CAST: variants seen among roughly 807,000 people sequenced by gnomAD.
CAST encodes calpastatin.
Under a neutral mutation model 119.6 loss-of-function variants are expected in CAST, and 76 were observed. The observed-to-expected ratio is 0.64, with a 90% CI of 0.53 to 0.77. The LOEUF is 0.77. Among genes scored for constraint, CAST ranks in the 30% least tolerant of loss-of-function variants. The pLI is 0.00. For missense variants in CAST, 953 were observed against 946.5 expected, an observed-to-expected ratio of 1.01 and a Z score of -0.09; for synonymous variants, 319 against 331.6, an observed-to-expected ratio of 0.96 and a Z score of 0.41.
chr5:96,364,444 G>T, the CAST span, among the ~76,000 whole-genome samples: 3 of 152,134 alleles, frequency 2.0e-5, no homozygotes, highest in South Asian at 2.1e-4. Context: ...CTGTGAATCC[G>T]TCTGGTCCTG....
the CAST span, among the ~76,000 whole-genome samples, chr5:96,268,602 A>G: frequency 6.6e-6 from 1 of 152,210 alleles, no homozygotes. Flanking sequence ...TCTTTAAAAA[A>G]TAAAAATAAA....
chr5:96,068,259 A>C, the CAST span, among the ~76,000 whole-genome samples: 1 of 152,014 alleles, frequency 6.6e-6, no homozygotes, highest in South Asian at 2.1e-4. Flanking sequence ...TCTCTTAGAG[A>C]TCTAGCCAAA....
chr5:96,028,397 G>A, the CAST span, among the ~76,000 whole-genome samples: 2 of 151,800 alleles, frequency 1.3e-5, no homozygotes, highest in South Asian at 2.1e-4. Flanking sequence ...AAGATCATAG[G>A]AGGTAAAAAA....
intron 1 of CAST, among the ~76,000 whole-genome samples, chr5:96,604,498 T>C (rs973177522): frequency 6.6e-6 from 1 of 152,150 alleles, no homozygotes; most frequent in Non-Finnish European, 1.5e-5. Flanking sequence ...ACCAGAAATA[T>C]GTAGAAAGAG....
the CAST span, among the ~76,000 whole-genome samples, chr5:96,119,796 G>A: frequency 5.3e-5 from 8 of 152,104 alleles, no homozygotes; most frequent in East Asian, 1.9e-4. Context: ...TATTATGTAC[G>A]CCTAAAAAGC....
upstream of CAST, among the ~76,000 whole-genome samples, chr5:96,657,213 C>G (rs1282163537): frequency 6.6e-6 from 1 of 152,206 alleles, no homozygotes; most frequent in Non-Finnish European, 1.5e-5. Flanking sequence ...TGCCTTAAAT[C>G]TAACCAAAGA....
the CAST span, among the ~76,000 whole-genome samples, chr5:96,144,188 TATTTGAAAGTTATC>T: frequency 6.6e-6 from 1 of 152,224 alleles, no homozygotes; most frequent in African/African-American, 2.4e-5. Flanking sequence ...GAAACATTAA[TATTTGAAAGTTATC>T]ATTAAGAATT....
the CAST span, among the ~76,000 whole-genome samples, chr5:96,404,399 C>T: frequency 2.0e-5 from 3 of 152,178 alleles, no homozygotes; most frequent in East Asian, 5.8e-4. Flanking sequence ...ATAAACTCCC[C>T]AGGTGATGAC....
Position 96,575,790 on chromosome 5 carries a change from G to A in CAST, c.60+45910G>A, listed in dbSNP as rs556283391. Among the ~76,000 whole-genome samples, 14 of 152,000 alleles carry A rather than the reference G, an allele frequency of 9.2e-5. No homozygotes were observed. The South Asian group carries it at 1.9e-3, about 20-fold the overall frequency. On this transcript the variant is annotated intron_variant, in intron 1 of 11. Coordinates refer to the CAST transcript ENST00000505143. ...CTTGAGTACTTGGGGCTACAGGCACGTGCCTCGATGCCCAGCTAATTTTTT... is the reference window on the plus strand; with the variant it reads ...CTTGAGTACTTGGGGCTACAGGCACATGCCTCGATGCCCAGCTAATTTTTT...
the CAST span, among the ~76,000 whole-genome samples, chr5:96,361,302 G>A: frequency 6.6e-6 from 1 of 152,172 alleles, no homozygotes; most frequent in Admixed American, 6.5e-5. Context: ...TAGACCAGTT[G>A]GTTCCCTGGT....
intron 1 of CAST, among the ~76,000 whole-genome samples, chr5:96,671,493 T>G (rs987702163): frequency 6.6e-6 from 1 of 152,202 alleles, no homozygotes; most frequent in African/African-American, 2.4e-5. Context: ...TAGCCTAGTC[T>G]TTGGCCCATG....
Position 96,757,570 on chromosome 5 carries a change from C to T in CAST, c.1762-13C>T. ...GCAATGGTGTTTGTTGATACATTTCCTGGTTCTTGCAGCCCATGAGTGAAG... is the reference window on the plus strand; with the variant it reads ...GCAATGGTGTTTGTTGATACATTTCTTGGTTCTTGCAGCCCATGAGTGAAG... On this transcript the variant is annotated splice_polypyrimidine_tract_variant and intron_variant, in intron 23 of 31. Coordinates refer to ENST00000675179, the MANE Select transcript of CAST (RefSeq NM_001750.7). 1 of 1,613,494 alleles carries T rather than the reference C, an allele frequency of 6.2e-7. No homozygotes were observed. Among genetic ancestry groups the T allele is most frequent in the Non-Finnish European group, 8.5e-7 (1 of 1,179,430 alleles).
At chr5:96,044,445 G>A in the CAST span, among the ~76,000 whole-genome samples, 1 of 152,178 alleles carries the variant, frequency 6.6e-6, no homozygotes, top group Non-Finnish European at 1.5e-5. Flanking sequence ...ATCTGCCAGT[G>A]TCTTGATTTT....
At chr5:96,355,481 A>G in the CAST span, among the ~76,000 whole-genome samples, 3 of 152,206 alleles carry the variant, frequency 2.0e-5, no homozygotes, top group Admixed American at 6.5e-5. Context: ...CAGTGCTTCA[A>G]TAAACATACG....
At chr5:96,567,531 A>T (rs1250999515) in intron 1 of CAST, among the ~76,000 whole-genome samples, 2 of 152,162 alleles carry the variant, frequency 1.3e-5, no homozygotes, top group African/African-American at 2.4e-5. Context: ...TGCAAATGCC[A>T]CTTCCTCCAT....
the CAST span, among the ~76,000 whole-genome samples, chr5:96,171,857 A>C: frequency 6.6e-6 from 1 of 152,234 alleles, no homozygotes; most frequent in East Asian, 1.9e-4. Flanking sequence ...AGAGGTCGTA[A>C]GTAGATCTTT....
chr5:96,717,039 T>C (rs1757316336), intron 3 of CAST, among the ~76,000 whole-genome samples: 1 of 152,202 alleles, frequency 6.6e-6, no homozygotes, highest in African/African-American at 2.4e-5. Flanking sequence ...CTGTATCTTA[T>C]TCTGTGTTTA....
the CAST span, among the ~76,000 whole-genome samples, chr5:96,147,064 A>G: frequency 6.6e-6 from 1 of 152,214 alleles, no homozygotes; most frequent in African/African-American, 2.4e-5. Flanking sequence ...ACAGTACCAG[A>G]TAACTTTAGT....
the CAST span, among the ~76,000 whole-genome samples, chr5:96,318,240 C>A: frequency 6.6e-6 from 1 of 152,234 alleles, no homozygotes; most frequent in South Asian, 2.1e-4. Flanking sequence ...TGATCAATTT[C>A]TGGACACCCA....
Sources: allele counts gnomAD v4.1 joint callset (sites outside exome capture counted in the v4.1 genomes callset), GRCh38; gene constraint gnomAD v4.1.1; transcripts MANE v1.5; gene names NCBI Gene and HGNC (gene_info 2026-07-23, HGNC 2026-07-21).